The following PKD1 variants were observed in gnomAD, a reference collection of about 807,000 sequenced individuals.
The protein encoded by PKD1 is polycystin 1, transient receptor potential channel interacting.
PKD1 carries 81 observed loss-of-function variants against 361.7 expected under a neutral mutation model. The ratio of observed to expected loss-of-function variants is 0.22; its 90% CI spans 0.19 to 0.27. PKD1 has a LOEUF of 0.27. Among genes scored for constraint, PKD1 ranks in the 10% least tolerant of loss-of-function variants. The pLI, the probability that PKD1 is intolerant of heterozygous loss-of-function variation, is 1.00. For synonymous variants in PKD1, 3,615 were observed against 2,818.3 expected, an observed-to-expected ratio of 1.28 and a Z score of -8.95; for missense variants, 6,399 against 6,118.3, an observed-to-expected ratio of 1.05 and a Z score of -1.53.
At chr16:2,092,026 C>A (rs1194854766) in intron 40 of PKD1, 21 bp downstream of exon 40, 1 of 1,612,488 alleles carries the variant, frequency 6.2e-7, no homozygotes, top group Admixed American at 1.7e-5. Flanking sequence ...CGTAGACGCC[C>A]GGGGCCCTCG....
chr16:2,115,941 C>T (rs1306720686), intron 9 of PKD1, 51 bp downstream of exon 9: 2 of 1,537,928 alleles, frequency 1.3e-6, no homozygotes, highest in Middle Eastern at 2.3e-4. Flanking sequence ...AGAGAGGCCA[C>T]CCCGAGTCCT....
rs2092014024 is a variant in PKD1, at chr16:2,099,787, A to C, written c.9924-17T>G. On this transcript the variant is annotated splice_polypyrimidine_tract_variant and intron_variant, in intron 29 of 45. Coordinates refer to ENST00000262304, the MANE Select transcript of PKD1 (RefSeq NM_001009944.3). ...TGCCCCGTGCTGTGTGGAGGAGAGG[A>C]GGCCACACAGGTGAGGCTGAGGGGC... 1.9e-6 allele frequency: 3 copies of C among 1,551,714 alleles called. No individual in the cohort carries two copies. Among genetic ancestry groups the C allele is most frequent in the Non-Finnish European group, 2.6e-6 (3 of 1,147,140 alleles).
chr16:2,111,624 A>G lies in PKD1; in HGVS notation c.3543T>C (p.Tyr1181=). The G allele has an allele frequency of 6.3e-7, 1 of 1,575,348 alleles. No individual in the cohort carries two copies. Among genetic ancestry groups the G allele is most frequent in the Non-Finnish European group, 8.6e-7 (1 of 1,161,806 alleles). ...GCACGTGGTAGGTGCCCCTCGAGGC[A>G]TAGGTGTGGTTGGCAGCCGGCTGGC... is the stretch of plus-strand genomic sequence containing the variant. The part of the protein sequence containing the change: ...TQSQPAANHT[Y]ASRGTYHVRL... Residue 1181 remains tyrosine, a synonymous_variant, in exon 15 of 46, where the codon TAT becomes TAC. Transcript: ENST00000262304.
rs755165445 is a variant in PKD1 at position 2,108,432 on chromosome 16, G to A, written c.6735C>T (p.Ile2245=). Residue 2245 remains isoleucine, a synonymous_variant, in exon 15 of 46, where the codon ATC becomes ATT. Coordinates refer to ENST00000262304, the MANE Select transcript of PKD1 (RefSeq NM_001009944.3). ...SFGDTPLTQS[I]QANVTVAPER... is the part of the protein sequence containing the mutation. Reference sequence around the variant, plus strand: ...CGGGGGCCACCGTCACATTGGCCTGGATGCTCTGTGTCAGTGGCGTGTCCC... The same window carrying A: ...CGGGGGCCACCGTCACATTGGCCTGAATGCTCTGTGTCAGTGGCGTGTCCC... The A allele has an allele frequency of 1.9e-6, 3 of 1,610,546 alleles. No individual in the cohort carries two copies. Among genetic ancestry groups the A allele is most frequent in the South Asian group, 1.1e-5 (1 of 90,998 alleles).
At chr16:2,116,411 T>C (rs2092636964) in intron 8 of PKD1, 118 bp downstream of exon 8, 2 of 643,296 alleles carry the variant, frequency 3.1e-6, no homozygotes, top group Non-Finnish European at 2.8e-6. Flanking sequence ...CCATCTTCAC[T>C]GGGCACAAGC....
In PKD1 at chr16:2,116,883, G is replaced by C; in HGVS notation, c.1556C>G (p.Thr519Ser). The C allele has an allele frequency of 1.3e-6, 2 of 1,532,504 alleles. No homozygotes were observed. Among genetic ancestry groups the C allele is most frequent in the Non-Finnish European group, 1.7e-6 (2 of 1,143,422 alleles). The allele number at this position is 1,532,504 out of a possible 1,614,324, so 94.9% of individuals were successfully genotyped here. A position where few individuals can be genotyped will look rare whatever the true frequency, so the allele number is the denominator to read the frequency against. ...VRLGPTGWCNTDLCSAPHSYV... is the reference protein window; with the variant it reads ...VRLGPTGWCNSDLCSAPHSYV... ...GCTGTGCGGCGCTGAGCACAGGTCG[G>C]TGTTACACCACCCGGTGGGCCCGAG... Residue 519 changes from threonine (T) to serine (S), a missense_variant, in exon 7 of 46, where the codon ACC (threonine) becomes AGC (serine). Transcript: ENST00000262304.
At chr16:2,131,008 C>T (rs574726351) in intron 1 of PKD1, among the ~76,000 whole-genome samples, 4 of 152,114 alleles carry the variant, frequency 2.6e-5, no homozygotes, top group East Asian at 1.9e-4. Flanking sequence ...TACACCTAGG[C>T]CAGTGCCAGC....
Position 2,093,613 on chromosome 16 carries a change from G to A in PKD1, c.10947C>T (p.Pro3649=). The change falls in exon 37 of 46, where the codon CCC becomes CCT. Residue 3649 remains proline, a synonymous_variant. Transcript: ENST00000262304. ...VSARVPRVRP[P]HGFALFLAKE... ...TGGCCAGGAAGAGTGCAAAGCCGTG[G>A]GGTGGCCGTACGCGGGGCACACGTG... 1 of 1,609,484 alleles carries A rather than the reference G, an allele frequency of 6.2e-7. No individual in the cohort carries two copies. Among genetic ancestry groups the A allele is most frequent in the Non-Finnish European group, 8.5e-7 (1 of 1,178,380 alleles).
rs745502224 is a variant in PKD1, at chr16:2,106,697, T to A, written c.7210-20A>T. 45 of 1,585,942 alleles carry A rather than the reference T, an allele frequency of 2.8e-5. No homozygotes were observed. The highest frequency in any genetic ancestry group is 3.4e-5 in the Admixed American group (2 of 59,322). ...CCACCGCTGCAGGCAGAAGGGGTGG[T>A]GAGGGGGCGCAACCCTCTGCCCTGT... On this transcript the variant is annotated intron_variant, in intron 17 of 45. Transcript: ENST00000262304. This position sits in a 1 kb window ranked among gnomAD's most constrained non-coding sequence, Gnocchi z 6.5.
rs2092073994 is a variant in PKD1, at chr16:2,100,995, T to C, written c.9398-429A>G. Reference sequence around the variant, plus strand: ...ACCCAGGTGACAGTATTTTTTTTCTTTTTTTTTTGAGATGGAGTCTTGCTG... The same window carrying C: ...ACCCAGGTGACAGTATTTTTTTTCTCTTTTTTTTGAGATGGAGTCTTGCTG... On this transcript the variant is annotated intron_variant, in intron 26 of 45. Transcript: ENST00000262304. The surrounding 1 kb of genome is among the most constrained non-coding windows in gnomAD (Gnocchi z 4.4). Among the ~76,000 whole-genome samples the C allele has an allele frequency of 6.6e-6, 1 of 150,976 alleles. No homozygotes were observed. Among genetic ancestry groups the C allele is most frequent in the Admixed American group, 6.6e-5 (1 of 15,142 alleles).
chr16:2,125,423 C>G (rs1281504735), intron 1 of PKD1, among the ~76,000 whole-genome samples: 1 of 152,180 alleles, frequency 6.6e-6, no homozygotes, highest in Non-Finnish European at 1.5e-5. Flanking sequence ...AGCTGGGGAG[C>G]CCCAGGCTCA....
intron 9 of PKD1, 69 bp downstream of exon 9, chr16:2,115,923 G>A: frequency 2.6e-6 from 4 of 1,517,508 alleles, no homozygotes; most frequent in Non-Finnish European, 3.6e-6. Flanking sequence ...CAGCAGACGT[G>A]AAAGCTCAGA....
In PKD1 at chr16:2,103,782, G is replaced by A; in HGVS notation, c.8275C>T (p.Leu2759Phe). 3.7e-6 allele frequency: 6 copies of A among 1,609,758 alleles called. No individual in the cohort carries two copies. In the East Asian group the frequency reaches 6.7e-5, roughly 18 times the overall value. Residue 2759 changes from leucine to phenylalanine, a missense_variant, in exon 23 of 46, where the codon CTC becomes TTC. By Grantham distance (22) the Leu-to-Phe change is conservative. Coordinates refer to ENST00000262304, the MANE Select transcript of PKD1 (RefSeq NM_001009944.3). ...CGGGAGCGCATGAGGATGCGCATGA[G>A]GGCAGAGGTCAGGTTGTAGGCCTGG... is the stretch of plus-strand genomic sequence containing the variant. ...ASQAYNLTSA[L>F]MRILMRSRVL...
chr16:2,124,306 G>A (rs974179284), intron 1 of PKD1, among the ~76,000 whole-genome samples: 7 of 152,352 alleles, frequency 4.6e-5, no homozygotes, highest in African/African-American at 1.7e-4. Context: ...TGAACCCCAG[G>A]TCGGGCCCCC....
In PKD1 at chr16:2,111,148, C is replaced by A. The variant is rs377331478; in HGVS notation, c.4019G>T (p.Arg1340Leu). The A allele has an allele frequency of 1.3e-5, 21 of 1,611,116 alleles. 1 individual carries two copies. The highest frequency in any genetic ancestry group is 1.7e-5 in the Non-Finnish European group (20 of 1,179,764). ...GTTGTGTGTCACCGTCGGGCACCCC[C>A]GCACGGTCGTGTTGGAGGAGCCATC... ...FGDGSSNTTV[R>L]GCPTVTHNFT... The change falls in exon 15 of 46, where the codon CGG (arginine) becomes CTG (leucine). Residue 1340 changes from arginine to leucine, a missense_variant. Physicochemically the swap from Arg to Leu is moderately radical, Grantham distance 102 (BLOSUM62 -2). Coordinates refer to ENST00000262304, the MANE Select transcript of PKD1 (RefSeq NM_001009944.3).
Position 2,118,590 on chromosome 16 carries a change from C to T in PKD1, c.529+86G>A. 7 of 748,918 alleles carry T rather than the reference C, an allele frequency of 9.3e-6. No individual in the cohort carries two copies. The highest frequency in any genetic ancestry group is 1.4e-5 in the Non-Finnish European group (6 of 432,148). 46.4% of individuals were successfully genotyped at this position (748,918 alleles called of 1,614,324 possible). ...GGCCCGGAGGCCCCCCCCAGAGAGG[C>T]CTTCCTGAGCCCTGCCCAGTGTCTG... On this transcript the variant is annotated intron_variant, in intron 4 of 45. Coordinates refer to ENST00000262304, the MANE Select transcript of PKD1 (RefSeq NM_001009944.3). The surrounding 1 kb of genome is among the most constrained non-coding windows in gnomAD (Gnocchi z 6.0).
At chr16:2,132,225 G>A (rs1480681362) in intron 1 of PKD1, among the ~76,000 whole-genome samples, 3 of 150,978 alleles carry the variant, frequency 2.0e-5, no homozygotes, top group Non-Finnish European at 2.9e-5. Flanking sequence ...ACTCCAGCCT[G>A]GGCAACAAGA....
rs1177335854 is a variant in PKD1 at position 2,110,580 on chromosome 16, G to C, written c.4587C>G (p.Gly1529=). ...CCTCGCTGCGGCTCACCTCATTCCA[G>C]CCGGCCACCCTAACGGTGAAGTCAC... is the stretch of plus-strand genomic sequence containing the variant. The part of the protein sequence containing the change: ...STGDFTVRVA[G]WNEVSRSEAW... Residue 1529 remains glycine, a synonymous_variant, in exon 15 of 46, where the codon GGC becomes GGG. Transcript: ENST00000262304. 1.2e-6 allele frequency: 2 copies of C among 1,610,956 alleles called. No homozygotes were observed. Among genetic ancestry groups the C allele is most frequent in the Admixed American group, 1.7e-5 (1 of 59,994 alleles).
At chr16:2,098,350 AG>A (rs2091937187) in intron 30 of PKD1, among the ~76,000 whole-genome samples, 1 of 152,088 alleles carries the variant, frequency 6.6e-6, no homozygotes, top group South Asian at 2.1e-4. Flanking sequence ...CTGGGATTAC[AG>A]GTGCCTGCCA....
Sources: gnomAD v4.1 joint callset for allele counts (sites outside exome capture counted in the v4.1 genomes callset) on GRCh38, gnomAD v4.1.1 for gene constraint, Gnocchi (gnomAD v3.1) non-coding constraint, MANE v1.5 for transcripts, NCBI Gene and HGNC (gene_info 2026-07-23, HGNC 2026-07-21) for gene names.